NCOA6: variants seen among roughly 807,000 people sequenced by gnomAD.
NCOA6 encodes NRC RAP250.
NCOA6 carries 49 observed loss-of-function variants against 171.4 expected under a neutral mutation model. The observed-to-expected ratio is 0.29, with a 90% CI of 0.23 to 0.36. The LOEUF (loss-of-function observed/expected upper bound fraction) is 0.36. Ranked by LOEUF, NCOA6 falls within the 10% of genes least tolerant of loss-of-function variation. The pLI is 1.00. For synonymous variants in NCOA6, 910 were observed against 927.5 expected, an observed-to-expected ratio of 0.98 and a Z score of 0.34; for missense variants, 2,248 against 2,554.5, an observed-to-expected ratio of 0.88 and a Z score of 2.59.
intron 1 of NCOA6, 94 bp from the exon 2 acceptor site, chr20:34,792,657 A>G (rs2077926466): frequency 5.0e-6 from 2 of 397,142 alleles, no homozygotes; most frequent in South Asian, 1.3e-4. Flanking sequence ...CTTTAATTTC[A>G]TAACCTATCT....
rs150372895 is a variant in NCOA6 at position 34,718,053 on chromosome 20, G to A, written c.6149-2688C>T. Among the ~76,000 whole-genome samples, 105 of 152,190 alleles carry A rather than the reference G, an allele frequency of 6.9e-4. 2 individuals carry two copies. Among genetic ancestry groups the A allele is most frequent in the African/African-American group, 2.2e-3 (91 of 41,514 alleles). On this transcript the variant is annotated intron_variant, in intron 14 of 14. Transcript: ENST00000359003. ...ATGAACTGGTAGGTTGCCTCTGAGC[G>A]TGAATCAATGAGTGGGGTCAGGAAT...
In NCOA6 at chr20:34,798,508, G is replaced by C. The variant is rs1379334623; in HGVS notation, c.-163-5945C>G. ...CCAGGTGGTAGTTACTACAGGCCTT[G>C]GGCGAGAGACCCAGTGCTGTGCTGG... On this transcript the variant is annotated intron_variant, in intron 1 of 14. Transcript: ENST00000359003. Among the ~76,000 whole-genome samples the C allele has an allele frequency of 2.0e-5, 3 of 152,244 alleles. No homozygotes were observed. The East Asian group carries it at 5.8e-4, about 29-fold the overall frequency.
At position 34,757,836 on chromosome 20, in the gene NCOA6, G is replaced by A. The variant is rs767155256; in HGVS notation, c.912C>T (p.Pro304=). 1.9e-6 allele frequency: 3 copies of A among 1,614,072 alleles called. No homozygotes were observed. The highest frequency in any genetic ancestry group is 8.5e-7 in the Non-Finnish European group (1 of 1,180,022). ...HQQQQPQGIR[P]QFTAPTQVPV... ...GCACCTGAGTTGGGGCAGTAAACTG[G>A]GGTCGAATTCCCTGTGGCTGTTGCT... Residue 304 remains proline, a synonymous_variant, in exon 7 of 15, where the codon CCC becomes CCT. Coordinates refer to ENST00000359003, the MANE Select transcript of NCOA6 (RefSeq NM_014071.5).
At chr20:34,820,766 ATC>A (rs2078982995) in intron 1 of NCOA6, 1 of 147,086 alleles carries the variant, frequency 6.8e-6, no homozygotes, top group Admixed American at 6.8e-5. Flanking sequence ...GCAAGACTTC[ATC>A]TCAAAAAAAA....
rs747178353 is a variant in NCOA6 at position 34,782,222 on chromosome 20, T to C, written c.134A>G (p.Asp45Gly). Reference protein sequence around the residue: ...DDTKSDSILEDSTIFVAFKGN... With the variant: ...DDTKSDSILEGSTIFVAFKGN... ...TTTGAAGGCCACAAAAATTGTGGAA[T>C]CCTCCAAAATACTATCACTTTTTGT... Residue 45 changes from aspartate (D) to glycine (G), a missense_variant, in exon 3 of 15, where the codon GAT (aspartate) becomes GGT (glycine). Physicochemically the swap from Asp to Gly is moderately conservative, Grantham distance 94. This residue lies in a region of NCOA6 where 987 missense variants were observed against 1,104.7 expected (regional missense o/e 0.89). Transcript: ENST00000359003. 6.2e-7 allele frequency: 1 copy of C among 1,612,572 alleles called. No individual in the cohort carries two copies. The highest frequency in any genetic ancestry group is 1.7e-5 in the Admixed American group (1 of 59,910).
chr20:34,807,311 A>C (rs915731418), intron 1 of NCOA6, among the ~76,000 whole-genome samples: 1 of 152,176 alleles, frequency 6.6e-6, no homozygotes, highest in Non-Finnish European at 1.5e-5. Context: ...CGCTAAGATG[A>C]GACACCAGCC....
At position 34,757,332 on chromosome 20, in the gene NCOA6, G is replaced by A; in HGVS notation, c.1416C>T (p.Ser472=). The change falls in exon 7 of 15, where the codon AGC becomes AGT. Residue 472 remains serine (S), a synonymous_variant. Coordinates refer to ENST00000359003, the MANE Select transcript of NCOA6 (RefSeq NM_014071.5). ...PLPQGFQQPV[S]SPGRNPMVQQ... ...GAACCATAGGATTCCGACCCGGAGAGCTGACAGGCTGCTGAAATCCCTGGG... is the reference window on the plus strand; with the variant it reads ...GAACCATAGGATTCCGACCCGGAGAACTGACAGGCTGCTGAAATCCCTGGG... 6.2e-7 allele frequency: 1 copy of A among 1,614,210 alleles called. No homozygotes were observed. The highest frequency in any genetic ancestry group is 1.1e-5 in the South Asian group (1 of 91,090).
At chr20:34,746,784 T>A (rs367588648) in intron 10 of NCOA6, 23 bp downstream of exon 10, 2 of 1,597,614 alleles carry the variant, frequency 1.3e-6, no homozygotes, top group African/African-American at 1.3e-5. Context: ...AATAAGTATA[T>A]AATCTAGCTA....
At chr20:34,719,639 G>A (rs540641238) in intron 14 of NCOA6, among the ~76,000 whole-genome samples, 159 of 148,458 alleles carry the variant, frequency 1.1e-3, no homozygotes, top group South Asian at 2.4e-3. Context: ...AAAAAAAAAA[G>A]TAATTTGCAA....
chr20:34,768,353 A>C, intron 5 of NCOA6, 111 bp downstream of exon 5: 14 of 1,353,264 alleles, frequency 1.0e-5, no homozygotes, highest in African/African-American at 1.5e-5. Flanking sequence ...TTCAGCAAAT[A>C]GAGATGTTAA....
intron 12 of NCOA6, chr20:34,732,847 T>C: frequency 3.1e-6 from 1 of 327,104 alleles, no homozygotes; most frequent in Non-Finnish European, 5.6e-6. Context: ...AGAACTAAGT[T>C]CACCCTTCCT....
At chr20:34,791,896 G>GT (rs2146330895) in intron 2 of NCOA6, among the ~76,000 whole-genome samples, 1 of 152,280 alleles carries the variant, frequency 6.6e-6, no homozygotes, top group East Asian at 1.9e-4. Context: ...AAGCACTTCT[G>GT]AAGAGTCCCC....
rs1220547977 is a variant in NCOA6, at chr20:34,732,561, T to C, written c.5997A>G (p.Gln1999=). Residue 1999 remains glutamine (Q), a splice_region_variant and synonymous_variant, in exon 13 of 15, where the codon CAA becomes CAG. Coordinates refer to ENST00000359003, the MANE Select transcript of NCOA6 (RefSeq NM_014071.5). ...LEVNAAIVSG[Q]SSEPKEIVEK... Reference sequence around the variant, plus strand: ...GTCTGCAGAAATGATCATCTTACCTTTGTCCAGAGACTATGGCAGCATTTA... The same window carrying C: ...GTCTGCAGAAATGATCATCTTACCTCTGTCCAGAGACTATGGCAGCATTTA... 1.9e-6 allele frequency: 3 copies of C among 1,613,742 alleles called. No homozygotes were observed. Among genetic ancestry groups the C allele is most frequent in the Non-Finnish European group, 8.5e-7 (1 of 1,179,772 alleles).
chr20:34,757,181 A>T, intron 7 of NCOA6, 39 bp downstream of exon 7: 2 of 1,510,974 alleles, frequency 1.3e-6, no homozygotes, highest in Non-Finnish European at 1.8e-6. Flanking sequence ...ATCTAGCTCC[A>T]GCAAATTTAC....
rs1275294097 is a variant in NCOA6, at chr20:34,791,590, GA to G, written c.-50+859del. On this transcript the variant is annotated intron_variant, in intron 2 of 14. Coordinates refer to ENST00000359003, the MANE Select transcript of NCOA6 (RefSeq NM_014071.5). ...AAAGCTCTTAAGTCTCAGAATGAAA[GA>G]AAAAAAAACTTTCTAGATACAAAAA... Among the ~76,000 whole-genome samples, 7 of 150,912 alleles carry G rather than the reference GA, an allele frequency of 4.6e-5. No homozygotes were observed. The East Asian group carries it at 5.8e-4, about 13-fold the overall frequency.
chr20:34,802,527 G>A (rs1308466500), intron 1 of NCOA6, among the ~76,000 whole-genome samples: 1 of 152,064 alleles, frequency 6.6e-6, no homozygotes, highest in East Asian at 1.9e-4. Context: ...CTTCAACCAG[G>A]GAGTCGGAAG....
intron 1 of NCOA6, among the ~76,000 whole-genome samples, chr20:34,804,035 T>C (rs2078354936): frequency 6.7e-6 from 1 of 148,924 alleles, no homozygotes; most frequent in Admixed American, 6.7e-5. Flanking sequence ...TGAGATTCCA[T>C]CTCTACAAAA....
At chr20:34,720,272 T>C (rs979980243) in intron 14 of NCOA6, among the ~76,000 whole-genome samples, 1 of 152,232 alleles carries the variant, frequency 6.6e-6, no homozygotes, top group Non-Finnish European at 1.5e-5. Flanking sequence ...ATTTGCATGT[T>C]TGTAAACAAC....
intron 1 of NCOA6, among the ~76,000 whole-genome samples, chr20:34,806,378 C>A (rs1461687959): frequency 6.6e-6 from 1 of 152,202 alleles, no homozygotes; most frequent in East Asian, 1.9e-4. Flanking sequence ...CTCACTGTTT[C>A]CTTTGCTGTG....
Sources: gnomAD v4.1 joint callset for allele counts (sites outside exome capture counted in the v4.1 genomes callset) on GRCh38, gnomAD v4.1.1 for gene constraint, gnomAD v4.1.1 regional missense constraint, MANE v1.5 for transcripts, NCBI Gene and HGNC (gene_info 2026-07-23, HGNC 2026-07-21) for gene names.